The following SHOC2 variants were observed in gnomAD, a reference collection of about 807,000 sequenced individuals.
SHOC2 encodes the protein SHOC2 leucine rich repeat scaffold protein.
SHOC2 carries 4 observed loss-of-function variants against 50.2 expected under a neutral mutation model. The observed-to-expected ratio is 0.08, with a 90% CI of 0.04 to 0.18. SHOC2 has a LOEUF of 0.18. Among genes scored for constraint, SHOC2 ranks in the 10% least tolerant of loss-of-function variants. The pLI is 1.00. For missense variants in SHOC2, 388 were observed against 669.6 expected, an observed-to-expected ratio of 0.58 and a Z score of 4.64; for synonymous variants, 218 against 244.5, an observed-to-expected ratio of 0.89 and a Z score of 1.01.
chr10:110,930,002 C>T (rs950520535), intron 1 of SHOC2, among the ~76,000 whole-genome samples: 1 of 152,080 alleles, frequency 6.6e-6, no homozygotes, highest in African/African-American at 2.4e-5. Context: ...GGAGAAATTC[C>T]TTATTATCCT....
intron 1 of SHOC2, among the ~76,000 whole-genome samples, chr10:110,928,111 G>A (rs1232629666): frequency 6.6e-6 from 1 of 152,116 alleles, no homozygotes; most frequent in Non-Finnish European, 1.5e-5. Flanking sequence ...GAGGTCAGGA[G>A]TTAGAGAACA....
In SHOC2 at chr10:111,009,717, T is replaced by C; in HGVS notation, c.1427T>C (p.Leu476Ser). 1 of 1,578,830 alleles carries C rather than the reference T, an allele frequency of 6.3e-7. No homozygotes were observed. The highest frequency in any genetic ancestry group is 1.1e-5 in the South Asian group (1 of 90,318). ...EIAYLKDLQK[L>S]VLTNNQLTTL... ...TTTATTTTGTAAATCTTTTAGAAAT[T>C]AGTCTTGACAAACAACCAGTTGACC... Residue 476 changes from leucine to serine, a missense_variant, in exon 8 of 9, where the codon TTA (leucine) becomes TCA (serine). Physicochemically the swap from Leu to Ser is moderately radical, Grantham distance 145 (BLOSUM62 -2). Coordinates refer to ENST00000369452, the MANE Select transcript of SHOC2 (RefSeq NM_007373.4).
intron 4 of SHOC2, among the ~76,000 whole-genome samples, chr10:111,004,183 T>C (rs1459185328): frequency 6.6e-6 from 1 of 152,196 alleles, no homozygotes; most frequent in Non-Finnish European, 1.5e-5. Context: ...CTAGGTAGGA[T>C]TGGTCACACA....
chr10:110,925,487 C>T (rs1180365833), intron 1 of SHOC2, among the ~76,000 whole-genome samples: 1 of 152,162 alleles, frequency 6.6e-6, no homozygotes, highest in Non-Finnish European at 1.5e-5. Context: ...CAGGGTCTCG[C>T]TCTGTCACCC....
chr10:110,932,130 T>C (rs764110161), intron 1 of SHOC2, among the ~76,000 whole-genome samples: 1 of 152,202 alleles, frequency 6.6e-6, no homozygotes, highest in African/African-American at 2.4e-5. Flanking sequence ...CAGAAGAATA[T>C]AGCTTGTGCA....
intron 1 of SHOC2, among the ~76,000 whole-genome samples, chr10:110,955,482 G>C (rs1382841210): frequency 1.3e-5 from 2 of 152,196 alleles, no homozygotes; most frequent in African/African-American, 4.8e-5. Context: ...TTTTTAGTGA[G>C]ATTGGGGGGG....
chr10:110,920,697 C>G (rs756797561), intron 1 of SHOC2, among the ~76,000 whole-genome samples: 6 of 152,156 alleles, frequency 3.9e-5, no homozygotes, highest in Non-Finnish European at 5.9e-5. Context: ...TTGTCTGTTG[C>G]TTTGTATCGT....
At chr10:110,954,654 A>G (rs2134108549) in intron 1 of SHOC2, among the ~76,000 whole-genome samples, 1 of 152,372 alleles carries the variant, frequency 6.6e-6, no homozygotes, top group East Asian at 1.9e-4. Flanking sequence ...AATGGGATGT[A>G]TCATAAGCAA....
intron 1 of SHOC2, among the ~76,000 whole-genome samples, chr10:110,955,419 G>C (rs780806906): frequency 1.3e-5 from 2 of 152,160 alleles, no homozygotes; most frequent in Admixed American, 1.3e-4. Flanking sequence ...GGAGCAGTTT[G>C]GGATAAAGAT....
intron 1 of SHOC2, among the ~76,000 whole-genome samples, chr10:110,927,034 T>G (rs1846791154): frequency 6.6e-6 from 1 of 152,226 alleles, no homozygotes; most frequent in African/African-American, 2.4e-5. Context: ...TTGACCCACT[T>G]TTAATGAAAA....
intron 1 of SHOC2, among the ~76,000 whole-genome samples, chr10:110,940,154 T>G (rs1847107070): frequency 6.6e-6 from 1 of 152,090 alleles, no homozygotes; most frequent in Non-Finnish European, 1.5e-5. Context: ...GGAGAAAAAT[T>G]TTTTTTTGAG....
chr10:110,987,718 ATGTGACCT>A (rs1848106670), intron 3 of SHOC2, among the ~76,000 whole-genome samples: 1 of 152,112 alleles, frequency 6.6e-6, no homozygotes. Context: ...GAACAAGGAG[ATGTGACCT>A]TAGGAGAAAA....
chr10:110,981,876 T>TATTTTTTTATTATACTC (rs1554859803), intron 2 of SHOC2, among the ~76,000 whole-genome samples: 19,982 of 134,908 alleles, frequency 0.15, 1,839 homozygotes, highest in Non-Finnish European at 0.21. Context: ...ATTTATTTTT[T>TATTTTTTTATTATACTC]TAAGTTTTAG....
chr10:110,924,995 C>T (rs897529102), intron 1 of SHOC2, among the ~76,000 whole-genome samples: 15 of 140,188 alleles, frequency 1.1e-4, no homozygotes, highest in South Asian at 2.3e-4. Flanking sequence ...CTCTTGAACC[C>T]GGGAGGTGGA....
chr10:111,002,047 A>C (rs376153564), intron 4 of SHOC2, among the ~76,000 whole-genome samples: 1 of 148,566 alleles, frequency 6.7e-6, no homozygotes, highest in Non-Finnish European at 1.5e-5. Context: ...CTTTGTCTCA[A>C]AAAAAAAAAA....
chr10:110,948,516 T>G (rs1032955773), intron 1 of SHOC2, among the ~76,000 whole-genome samples: 1 of 152,148 alleles, frequency 6.6e-6, no homozygotes, highest in Non-Finnish European at 1.5e-5. Flanking sequence ...TTGAGAAGAT[T>G]GAAATTGTAT....
intron 2 of SHOC2, among the ~76,000 whole-genome samples, chr10:110,979,596 T>C (rs1176538533): frequency 1.3e-5 from 2 of 152,216 alleles, no homozygotes; most frequent in East Asian, 3.8e-4. Context: ...CAGTTTTAAA[T>C]TATCAACACG....
chr10:110,952,709 C>T (rs923184562), intron 1 of SHOC2, among the ~76,000 whole-genome samples: 1 of 152,172 alleles, frequency 6.6e-6, no homozygotes, highest in Admixed American at 6.5e-5. Context: ...TGCCCTCCCT[C>T]CCCTTGCCCC....
At chr10:111,009,915 T>C (rs991211267) in intron 8 of SHOC2, 85 bp downstream of exon 8, 1 of 824,802 alleles carries the variant, frequency 1.2e-6, no homozygotes, top group African/African-American at 1.7e-5. Context: ...ATGACAAATC[T>C]ATTGTTTTTT....
Sources: gnomAD v4.1 joint callset for allele counts (sites outside exome capture counted in the v4.1 genomes callset) on GRCh38, gnomAD v4.1.1 for gene constraint, MANE v1.5 for transcripts, NCBI Gene and HGNC (gene_info 2026-07-23, HGNC 2026-07-21) for gene names.